Variants in ADCY2 observed in about 807,000 individuals in gnomAD.
ADCY2 encodes adenylate cyclase 2.
In ADCY2, 31 loss-of-function variants were observed where a neutral mutation model predicts 125.2. The ratio of observed to expected loss-of-function variants is 0.25; its 90% confidence interval spans 0.19 to 0.33. The LOEUF (loss-of-function observed/expected upper bound fraction) is 0.33, where lower values mean the gene tolerates loss of function less well. Ranked by LOEUF, ADCY2 falls within the 10% of genes least tolerant of loss-of-function variation. The probability of loss-of-function intolerance (pLI) is 1.00; values close to 1 mark genes in which losing one functional copy is unlikely to be tolerated. For missense variants in ADCY2, 904 were observed against 1,418.2 expected (o/e 0.64, Z 5.82); for synonymous variants, 512 against 548.4 (o/e 0.93, Z 0.93).
chr5:7,830,018 C>CGT lies in ADCY2; in HGVS notation c.*3148_*3149dup, dbSNP rs1487147730. On this transcript the variant is annotated 3_prime_UTR_variant, in exon 25 of 25. Transcript: ENST00000338316. Reference sequence around the variant, plus strand: ...TCACTTGAGCCCAGGAAGTCCAGAACGTAGTGAGCCTTGATTATACCACTG... The same window carrying CGT: ...TCACTTGAGCCCAGGAAGTCCAGAACGTGTAGTGAGCCTTGATTATACCACTG... 20 of 151,850 alleles carry CGT rather than the reference C, an allele frequency of 1.3e-4. No individual in the cohort carries two copies. The highest frequency in any genetic ancestry group is 2.4e-4 in the Non-Finnish European group (16 of 67,988). The allele number at this position is 151,850 out of a possible 1,614,324, so 9.4% of individuals were successfully genotyped here.
chr5:7,489,617 C>T (rs565494262), intron 2 of ADCY2, among the ~76,000 whole-genome samples: 1 of 152,318 alleles, frequency 6.6e-6, no homozygotes, highest in African/African-American at 2.4e-5. Context: ...CATCTTCCAC[C>T]ATGATTGTGA....
At chr5:7,409,211 A>C (rs886960565) in intron 1 of ADCY2, among the ~76,000 whole-genome samples, 2 of 152,130 alleles carry the variant, frequency 1.3e-5, no homozygotes, top group South Asian at 4.1e-4. Flanking sequence ...GGGGAACAAC[A>C]CACACTGAGG....
At chr5:7,560,194 A>G (rs1238543429) in intron 3 of ADCY2, among the ~76,000 whole-genome samples, 1 of 152,226 alleles carries the variant, frequency 6.6e-6, no homozygotes, top group Non-Finnish European at 1.5e-5. Flanking sequence ...AGACATAGAT[A>G]ACAGCCCTGC....
chr5:7,417,217 T>A (rs1739986601), intron 2 of ADCY2, among the ~76,000 whole-genome samples: 1 of 152,160 alleles, frequency 6.6e-6, no homozygotes, highest in Admixed American at 6.5e-5. Context: ...ATAATTTTCG[T>A]TAGACTCAAT....
In ADCY2 at chr5:7,707,834, C is replaced by G; in HGVS notation, c.1397C>G (p.Pro466Arg). The change falls in exon 9 of 25, where the codon CCC becomes CGC. Residue 466 changes from proline to arginine, a missense_variant. Physicochemically the swap from Pro to Arg is moderately radical, Grantham distance 103. Transcript: ENST00000338316. ...GTGAAAACCTACTTTGTGATCAACC[C>G]CAAGGTCAGTATCATTGTAAAGAGT... ...HLVKTYFVIN[P>R]KGERRSPQHL... 1.2e-6 allele frequency: 2 copies of G among 1,613,842 alleles called. No homozygotes were observed. The highest frequency in any genetic ancestry group is 1.3e-5 in the African/African-American group (1 of 74,968).
In ADCY2 at chr5:7,709,232, C is replaced by A; in HGVS notation, c.1423C>A (p.His475Asn). Residue 475 changes from histidine to asparagine, a missense_variant, in exon 10 of 25, where the codon CAT becomes AAT. Transcript: ENST00000338316. This position sits in a 1 kb window ranked among gnomAD's most constrained non-coding sequence, Gnocchi z 4.4. ...CAAGGGAGAACGACGGAGCCCCCAGCATCTCTTCAGACCTCGCCACACCCT... is the reference window on the plus strand; with the variant it reads ...CAAGGGAGAACGACGGAGCCCCCAGAATCTCTTCAGACCTCGCCACACCCT... ...NPKGERRSPQ[H>N]LFRPRHTLDG... The A allele has an allele frequency of 6.2e-7, 1 of 1,611,896 alleles. No individual in the cohort carries two copies. Among genetic ancestry groups the A allele is most frequent in the Non-Finnish European group, 8.5e-7 (1 of 1,179,002 alleles).
At chr5:7,592,728 G>A (rs931265422) in intron 3 of ADCY2, among the ~76,000 whole-genome samples, 1 of 152,134 alleles carries the variant, frequency 6.6e-6, no homozygotes, top group Admixed American at 6.5e-5. Flanking sequence ...AACATAAACA[G>A]AGGAAAATTC....
At chr5:7,716,895 A>G (rs62342465) in intron 11 of ADCY2, among the ~76,000 whole-genome samples, 18,323 of 152,210 alleles carry the variant, frequency 0.12, 1,204 homozygotes, top group African/African-American at 0.14. Context: ...ATAGCAGAAT[A>G]GGGTGACTGT....
At chr5:7,761,148 C>CTTTTTTTTTTTTTTTTTTTTTTTT (rs367998018) in intron 16 of ADCY2, among the ~76,000 whole-genome samples, 1 of 88,162 alleles carries the variant, frequency 1.1e-5, no homozygotes, top group Non-Finnish European at 2.0e-5. Context: ...CTTTTCTTTT[C>CTTTTTTTTTTTTTTTTTTTTTTTT]TTTTTTTTTT....
At chr5:7,547,437 A>G (rs1735180719) in intron 3 of ADCY2, among the ~76,000 whole-genome samples, 1 of 152,176 alleles carries the variant, frequency 6.6e-6, no homozygotes. Flanking sequence ...GAGCAGTCAT[A>G]GGTATGGGTC....
chr5:7,558,691 AT>A (rs1376037847), intron 3 of ADCY2, among the ~76,000 whole-genome samples: 1 of 152,108 alleles, frequency 6.6e-6, no homozygotes, highest in Non-Finnish European at 1.5e-5. Context: ...GTTTAATTAG[AT>A]TCCATTTTTC....
chr5:7,619,091 G>A (rs1242534893), intron 3 of ADCY2, among the ~76,000 whole-genome samples: 3 of 152,254 alleles, frequency 2.0e-5, no homozygotes, highest in Middle Eastern at 3.4e-3. Flanking sequence ...ACACTCATTC[G>A]ACTATCTAAA....
chr5:7,810,512 G>A (rs1030345659), intron 22 of ADCY2, among the ~76,000 whole-genome samples: 2 of 152,048 alleles, frequency 1.3e-5, no homozygotes, highest in African/African-American at 4.8e-5. Context: ...TTTCCTGATT[G>A]ATGGGTTATC....
intron 4 of ADCY2, among the ~76,000 whole-genome samples, chr5:7,639,904 G>A (rs747750554): frequency 6.6e-6 from 1 of 152,090 alleles, no homozygotes. Flanking sequence ...TAGCCTTATT[G>A]TTATAGAAGT....
At chr5:7,726,629 G>A (rs6863529) in intron 13 of ADCY2, among the ~76,000 whole-genome samples, 6,751 of 152,182 alleles carry the variant, frequency 0.044, 497 homozygotes, top group African/African-American at 0.15. Context: ...CTCAGAACAA[G>A]CCAGCTAAGA....
chr5:7,484,902 T>C (rs1300012424), intron 2 of ADCY2, among the ~76,000 whole-genome samples: 3 of 152,156 alleles, frequency 2.0e-5, no homozygotes, highest in Non-Finnish European at 4.4e-5. Context: ...ATTCCTCTCT[T>C]CTCATTGATA....
rs1405697672 is a variant in ADCY2, at chr5:7,520,786, T to C, written c.457T>C (p.Phe153Leu). 1 of 1,614,154 alleles carries C rather than the reference T, an allele frequency of 6.2e-7. No individual in the cohort carries two copies. The highest frequency in any genetic ancestry group is 2.2e-5 in the East Asian group (1 of 44,876). ...IIFVVYTMLP[F>L]NMRDAIIASV... ...CTTCGTGGTGTACACCATGCTGCCC[T>C]TCAACATGCGAGACGCCATCATTGC... The change falls in exon 3 of 25, where the codon TTC becomes CTC. Residue 153 changes from phenylalanine to leucine, a missense_variant. Transcript: ENST00000338316.
intron 1 of ADCY2, among the ~76,000 whole-genome samples, chr5:7,397,381 CT>C (rs1447786124): frequency 3.8e-4 from 54 of 143,962 alleles, no homozygotes; most frequent in Non-Finnish European, 7.5e-5. Context: ...GTGGTTCAAA[CT>C]TTTGCACTGC....
chr5:7,468,905 A>T (rs999134175), intron 2 of ADCY2, among the ~76,000 whole-genome samples: 1 of 152,126 alleles, frequency 6.6e-6, no homozygotes, highest in Admixed American at 6.6e-5. Flanking sequence ...GTTATGATGT[A>T]ATTTTTCAAC....
Sources: gnomAD v4.1 joint callset for allele counts (sites outside exome capture counted in the v4.1 genomes callset) on GRCh38, gnomAD v4.1.1 for gene constraint, Gnocchi (gnomAD v3.1) non-coding constraint, MANE v1.5 for transcripts, NCBI Gene and HGNC (gene_info 2026-07-23, HGNC 2026-07-21) for gene names.